The following NALF1 variants were observed in gnomAD, a reference collection of about 807,000 sequenced individuals.
NALF1 encodes the protein NALCN channel auxiliary factor 1.
NALF1 carries 3 observed loss-of-function variants against 48.4 expected under a neutral mutation model. The observed-to-expected ratio is 0.06, with a 90% CI of 0.03 to 0.16. NALF1 has a LOEUF of 0.16. NALF1 is among the 10% of genes least tolerant of loss of function. The probability of loss-of-function intolerance (pLI) is 1.00; values close to 1 mark genes in which losing one functional copy is unlikely to be tolerated. For missense variants in NALF1, 526 were observed against 571.5 expected (o/e 0.92, Z 0.81); for synonymous variants, 262 against 245.7 (o/e 1.07, Z -0.62).
At chr13:107,852,923 C>A (rs538147501) in intron 1 of NALF1, among the ~76,000 whole-genome samples, 1 of 152,110 alleles carries the variant, frequency 6.6e-6, no homozygotes, top group South Asian at 2.1e-4. Flanking sequence ...CATCATTTTG[C>A]GGTTTTCCTG....
intron 1 of NALF1, among the ~76,000 whole-genome samples, chr13:107,297,107 G>A (rs1026304845): frequency 2.0e-5 from 3 of 151,908 alleles, no homozygotes; most frequent in Non-Finnish European, 2.9e-5. Context: ...TGAGCACCCC[G>A]AGCCTCTCAG....
intron 1 of NALF1, among the ~76,000 whole-genome samples, chr13:107,468,676 T>A (rs1885047532): frequency 6.6e-6 from 1 of 152,204 alleles, no homozygotes; most frequent in Non-Finnish European, 1.5e-5. Context: ...ACAAACACTG[T>A]CAAATGTTTT....
chr13:107,517,314 C>T (rs1035853819), intron 1 of NALF1, among the ~76,000 whole-genome samples: 16 of 152,064 alleles, frequency 1.1e-4, no homozygotes, highest in Non-Finnish European at 2.1e-4. Flanking sequence ...TTTACTCCCC[C>T]ATGTTACTGG....
At position 107,325,853 on chromosome 13, in the gene NALF1, C is replaced by CATATATATAT. The variant is rs1385871427; in HGVS notation, c.916-115099_916-115098insATATATATAT. Among the ~76,000 whole-genome samples the CATATATATAT allele has an allele frequency of 7.1e-3, 353 of 49,616 alleles. 1 individual carries two copies. Among genetic ancestry groups the CATATATATAT allele is most frequent in the Middle Eastern group, 0.014 (1 of 70 alleles). 32.6% of individuals were successfully genotyped at this position (49,616 alleles called of 152,430 possible). A position where few individuals can be genotyped will look rare whatever the true frequency, so the allele number is the denominator to read the frequency against. ...GAAACTGTGTCTCAACACACACACACACATATATATATATATATATATATA... is the reference window on the plus strand; with the variant it reads ...GAAACTGTGTCTCAACACACACACACATATATATATACATATATATATATATATATATATA... On this transcript the variant is annotated intron_variant, in intron 1 of 2. Transcript: ENST00000375915.
At position 107,815,053 on chromosome 13, in the gene NALF1, TAGA is replaced by T. The variant is rs571842278; in HGVS notation, c.915+50626_915+50628del. Reference sequence around the variant, plus strand: ...ATAAAAGCTAACAATTTAAAGTTCGTAGAAGAAAACATAGATGTAAATTTTTGC... The same window carrying T: ...ATAAAAGCTAACAATTTAAAGTTCGTAGAAAACATAGATGTAAATTTTTGC... On this transcript the variant is annotated intron_variant, in intron 1 of 2. Coordinates refer to ENST00000375915, the MANE Select transcript of NALF1 (RefSeq NM_001080396.3). Among the ~76,000 whole-genome samples the T allele has an allele frequency of 1.4e-4, 21 of 152,286 alleles. 1 individual carries two copies. In the South Asian group the frequency reaches 4.3e-3, roughly 32 times the overall value.
intron 1 of NALF1, among the ~76,000 whole-genome samples, chr13:107,304,491 A>G (rs1340167824): frequency 1.3e-5 from 2 of 152,226 alleles, no homozygotes; most frequent in African/African-American, 4.8e-5. Flanking sequence ...CTGTGGAATT[A>G]ACAAAGAAAA....
intron 2 of NALF1, among the ~76,000 whole-genome samples, chr13:107,209,410 G>A (rs576043894): frequency 6.6e-6 from 1 of 152,098 alleles, no homozygotes; most frequent in Admixed American, 6.5e-5. Context: ...GGGAGGCTGA[G>A]GCATGAGAAT....
intron 1 of NALF1, among the ~76,000 whole-genome samples, chr13:107,517,741 G>C (rs558557755): frequency 6.6e-6 from 1 of 152,230 alleles, no homozygotes; most frequent in South Asian, 2.1e-4. Flanking sequence ...GATTATCTGA[G>C]GTCAGGTGTT....
chr13:107,679,257 T>C (rs1196095018), intron 1 of NALF1, among the ~76,000 whole-genome samples: 1 of 152,230 alleles, frequency 6.6e-6, no homozygotes, highest in Non-Finnish European at 1.5e-5. Context: ...TGCATTTTTT[T>C]CACAAAACAT....
chr13:107,352,243 G>C (rs1276016322), intron 1 of NALF1, among the ~76,000 whole-genome samples: 1 of 152,144 alleles, frequency 6.6e-6, no homozygotes, highest in Non-Finnish European at 1.5e-5. Context: ...GGTAGTTAGC[G>C]AGGGAAGGAG....
chr13:107,322,549 C>T (rs1882277734), intron 1 of NALF1, among the ~76,000 whole-genome samples: 1 of 152,092 alleles, frequency 6.6e-6, no homozygotes. Context: ...TTTTCTGGTA[C>T]CTCCACCCTA....
chr13:107,391,660 T>A (rs1273527367), intron 1 of NALF1, among the ~76,000 whole-genome samples: 1 of 152,134 alleles, frequency 6.6e-6, no homozygotes, highest in Non-Finnish European at 1.5e-5. Context: ...TCCTTTACCT[T>A]AACCTGAACA....
At chr13:107,520,153 A>G (rs1876189555) in intron 1 of NALF1, among the ~76,000 whole-genome samples, 1 of 152,164 alleles carries the variant, frequency 6.6e-6, no homozygotes, top group Admixed American at 6.5e-5. Context: ...TACTTTTAAC[A>G]TTGTTTTTGG....
At chr13:107,271,809 TA>T (rs55939068) in intron 1 of NALF1, among the ~76,000 whole-genome samples, 8,970 of 42,712 alleles carry the variant, frequency 0.21, 520 homozygotes, top group Non-Finnish European at 0.3. Flanking sequence ...TATATATATA[TA>T]TATATATTTA....
chr13:107,861,622 A>C (rs1193074836), intron 1 of NALF1, among the ~76,000 whole-genome samples: 4 of 152,200 alleles, frequency 2.6e-5, no homozygotes, highest in Admixed American at 2.6e-4. Context: ...ATCTCTATGA[A>C]AAATACAAAA....
chr13:107,673,656 G>C (rs1176276296), intron 1 of NALF1, among the ~76,000 whole-genome samples: 1 of 152,150 alleles, frequency 6.6e-6, no homozygotes, highest in Non-Finnish European at 1.5e-5. Flanking sequence ...ATAATATCTA[G>C]TTTCAAACAG....
At chr13:107,427,876 T>C (rs16970091) in intron 1 of NALF1, among the ~76,000 whole-genome samples, 1 of 152,172 alleles carries the variant, frequency 6.6e-6, no homozygotes, top group East Asian at 1.9e-4. Context: ...AAGCTACCTC[T>C]AAAGTTCAAT....
At position 107,768,234 on chromosome 13, in the gene NALF1, A is replaced by G. The variant is rs142496731; in HGVS notation, c.915+97448T>C. On this transcript the variant is annotated intron_variant, in intron 1 of 2. Transcript: ENST00000375915. Reference sequence around the variant, plus strand: ...AAGGCTTTGAGCAGTATCTGGCACAAAATAAGCACCCAATAAATGGATAGT... The same window carrying G: ...AAGGCTTTGAGCAGTATCTGGCACAGAATAAGCACCCAATAAATGGATAGT... Among the ~76,000 whole-genome samples, 116 of 152,302 alleles carry G rather than the reference A, an allele frequency of 7.6e-4. 1 individual carries two copies. The highest frequency in any genetic ancestry group is 3.4e-3 in the Middle Eastern group (1 of 294).
At chr13:107,665,230 T>A (rs1253154897) in intron 1 of NALF1, among the ~76,000 whole-genome samples, 1 of 152,184 alleles carries the variant, frequency 6.6e-6, no homozygotes, top group East Asian at 1.9e-4. Flanking sequence ...TTTTTCCTTA[T>A]ACTTAGCACT....
Sources: allele counts gnomAD v4.1 joint callset (sites outside exome capture counted in the v4.1 genomes callset), GRCh38; gene constraint gnomAD v4.1.1; transcripts MANE v1.5; gene names NCBI Gene and HGNC (gene_info 2026-07-23, HGNC 2026-07-21).